Variants in KIDINS220 observed in about 807,000 individuals in gnomAD.
The protein encoded by KIDINS220 is kinase D-interacting substrate of 220 kDa.
In KIDINS220, 63 loss-of-function variants were observed where a neutral mutation model predicts 157.6. The ratio of observed to expected loss-of-function variants is 0.40; its 90% CI spans 0.33 to 0.49. The LOEUF (loss-of-function observed/expected upper bound fraction) is 0.49, where lower values mean the gene tolerates loss of function less well. Among genes scored for constraint, KIDINS220 ranks in the 20% least tolerant of loss-of-function variants. The pLI, the probability that KIDINS220 is intolerant of heterozygous loss-of-function variation, is 0.66. For missense variants in KIDINS220, 1,772 were observed against 2,171.2 expected (o/e 0.82, Z 3.65); for synonymous variants, 732 against 783.6 (o/e 0.93, Z 1.10).
intron 1 of KIDINS220, among the ~76,000 whole-genome samples, chr2:8,828,128 GTGTGACACC>G: frequency 6.6e-6 from 1 of 152,314 alleles, no homozygotes; most frequent in South Asian, 2.1e-4. Flanking sequence ...CCTCTCACCT[GTGTGACACC>G]TGTGACTGTA....
chr2:8,761,515 C>T (rs928755733), intron 22 of KIDINS220, among the ~76,000 whole-genome samples: 1 of 151,924 alleles, frequency 6.6e-6, no homozygotes, highest in African/African-American at 2.4e-5. Flanking sequence ...TTTGAGGAGA[C>T]AAAAGTAGTA....
chr2:8,818,115 G>A (rs1677351397), intron 3 of KIDINS220, among the ~76,000 whole-genome samples: 1 of 152,146 alleles, frequency 6.6e-6, no homozygotes, highest in Admixed American at 6.5e-5. Context: ...AGACTACAGA[G>A]ATCTCATATG....
At chr2:8,831,395 C>T (rs950303780) in intron 1 of KIDINS220, among the ~76,000 whole-genome samples, 1 of 151,506 alleles carries the variant, frequency 6.6e-6, no homozygotes, top group Admixed American at 6.6e-5. Flanking sequence ...TCCTTCACTG[C>T]CCCACACTTT....
At chr2:8,744,660 C>T (rs78894114) in intron 26 of KIDINS220, among the ~76,000 whole-genome samples, 5,670 of 151,418 alleles carry the variant, frequency 0.037, 215 homozygotes, top group East Asian at 0.16. Flanking sequence ...CTACAGAGCT[C>T]GATGGGCTAC....
At chr2:8,786,182 A>G (rs1418087511) in intron 16 of KIDINS220, 24 bp downstream of exon 16, 2 of 1,613,594 alleles carry the variant, frequency 1.2e-6, no homozygotes, top group African/African-American at 1.3e-5. Flanking sequence ...CTTACACACA[A>G]AGAAGGAAGG....
In KIDINS220 at chr2:8,734,751, T is replaced by C. The variant is rs1470833764; in HGVS notation, c.3720A>G (p.Ala1240=). 2.5e-6 allele frequency: 4 copies of C among 1,607,026 alleles called. No individual in the cohort carries two copies. In the East Asian group the frequency reaches 8.9e-5, roughly 36 times the overall value. ...LPQYCTTIKK[A]NINGRVLAQC... Reference sequence around the variant, plus strand: ...GAGCTAACACACGGCCATTTATGTTTGCCTGAGTAAAAATTAAAACAATTA... The same window carrying C: ...GAGCTAACACACGGCCATTTATGTTCGCCTGAGTAAAAATTAAAACAATTA... Residue 1240 remains alanine (A), a splice_region_variant and synonymous_variant, in exon 28 of 30, where the codon GCA becomes GCG. Coordinates refer to ENST00000256707, the MANE Select transcript of KIDINS220 (RefSeq NM_020738.4).
intron 26 of KIDINS220, chr2:8,746,456 A>AT (rs1666584517): frequency 7.0e-6 from 1 of 141,978 alleles, no homozygotes; most frequent in South Asian, 2.3e-4. Flanking sequence ...TTTTCTGTTT[A>AT]TTTTTTGTTT....
At chr2:8,796,657 C>G in intron 11 of KIDINS220, 114 bp downstream of exon 11, 2 of 812,240 alleles carry the variant, frequency 2.5e-6, no homozygotes, top group Non-Finnish European at 4.3e-6. Context: ...ACATCCCCAG[C>G]AAGTCATCTC....
intron 9 of KIDINS220, among the ~76,000 whole-genome samples, chr2:8,799,090 C>T (rs867487737): frequency 2.6e-5 from 4 of 152,072 alleles, no homozygotes; most frequent in Non-Finnish European, 5.9e-5. Context: ...AGGCCCTACC[C>T]GCCTCCCATT....
At chr2:8,815,218 T>A (rs912953132) in intron 4 of KIDINS220, among the ~76,000 whole-genome samples, 1 of 151,782 alleles carries the variant, frequency 6.6e-6, no homozygotes, top group Non-Finnish European at 1.5e-5. Flanking sequence ...CTGGGCAACA[T>A]GGCAAAACCC....
At chr2:8,766,930 AG>A (rs1669567662) in intron 22 of KIDINS220, among the ~76,000 whole-genome samples, 2 of 152,380 alleles carry the variant, frequency 1.3e-5, no homozygotes, top group African/African-American at 4.8e-5. Context: ...AATAATGCAA[AG>A]CCAGAAATGC....
At chr2:8,805,898 A>C (rs1207997785) in intron 7 of KIDINS220, among the ~76,000 whole-genome samples, 1 of 152,210 alleles carries the variant, frequency 6.6e-6, no homozygotes, top group Non-Finnish European at 1.5e-5. Flanking sequence ...TACCAGCCAG[A>C]TGTGTGTAAG....
rs374871442 is a variant in KIDINS220, at chr2:8,802,969, A to G, written c.762T>C (p.Asp254=). 1.3e-5 allele frequency: 21 copies of G among 1,613,872 alleles called. No homozygotes were observed. Among genetic ancestry groups the G allele is most frequent in the Non-Finnish European group, 1.8e-5 (21 of 1,179,994 alleles). Residue 254 remains aspartate, a synonymous_variant, in exon 8 of 30, where the codon GAT becomes GAC. Transcript: ENST00000256707. ...TCACATATGTTCCAGCGTCGAGCAG[A>G]TCCTGCACAATCTCCGTATGTCCCT... ...SKEGHTEIVQ[D]LLDAGTYVNI... is the part of the protein sequence containing the mutation.
intron 22 of KIDINS220, among the ~76,000 whole-genome samples, chr2:8,769,212 G>A (rs1343792877): frequency 6.6e-6 from 1 of 152,158 alleles, no homozygotes; most frequent in Non-Finnish European, 1.5e-5. Context: ...GTGAAGGAAG[G>A]AGGTCAGTAA....
chr2:8,774,313 G>T (rs1196356978), intron 21 of KIDINS220, among the ~76,000 whole-genome samples: 10 of 146,716 alleles, frequency 6.8e-5, no homozygotes, highest in Non-Finnish European at 1.1e-4. Context: ...AAAAAAAAAA[G>T]AAGGAAAGAA....
chr2:8,793,973 G>A lies in KIDINS220; in HGVS notation c.1113C>T (p.Pro371=), dbSNP rs754466685. 2.5e-6 allele frequency: 4 copies of A among 1,609,116 alleles called. No homozygotes were observed. Among genetic ancestry groups the A allele is most frequent in the Non-Finnish European group, 3.4e-6 (4 of 1,178,508 alleles). Residue 371 remains proline (P), a synonymous_variant, in exon 12 of 30, where the codon CCC becomes CCT. Transcript: ENST00000256707. ...VSAVDKKGDT[P]LHIAIRGRSR... is the part of the protein sequence containing the mutation. ...TCCTTCCACGAATAGCAATATGCAA[G>A]GGAGTATCTCCTTTCTGTAAAATAA...
chr2:8,785,691 T>C (rs1176102576), intron 17 of KIDINS220, 50 bp downstream of exon 17: 1 of 1,488,864 alleles, frequency 6.7e-7, no homozygotes, highest in Non-Finnish European at 9.1e-7. Flanking sequence ...AGCATGGCAG[T>C]GGCAACATAT....
downstream of KIDINS220, among the ~76,000 whole-genome samples, chr2:8,726,029 C>A (rs1448120890): frequency 6.6e-6 from 1 of 152,184 alleles, no homozygotes; most frequent in East Asian, 1.9e-4. Flanking sequence ...TGCTTTGAAG[C>A]AGGAACGCTT....
At chr2:8,836,245 CTTAAG>C (rs1471138140) in intron 1 of KIDINS220, among the ~76,000 whole-genome samples, 1 of 151,754 alleles carries the variant, frequency 6.6e-6, no homozygotes, top group Non-Finnish European at 1.5e-5. Flanking sequence ...CTTTTCTCTA[CTTAAG>C]TTATGCCTCC....
Sources: gnomAD v4.1 joint callset for allele counts (sites outside exome capture counted in the v4.1 genomes callset) on GRCh38, gnomAD v4.1.1 for gene constraint, MANE v1.5 for transcripts, NCBI Gene and HGNC (gene_info 2026-07-23, HGNC 2026-07-21) for gene names.